Variants in SH3D19 observed in about 807,000 individuals in gnomAD.
SH3D19 encodes SH3 domain containing 19, also known as SH3 domain-containing protein 19.
A neutral mutation model predicts 112.1 loss-of-function variants in SH3D19; 58 were observed. The observed-to-expected ratio is 0.52, with a 90% CI of 0.42 to 0.64. SH3D19 has a LOEUF of 0.64. Ranked by LOEUF, SH3D19 falls within the 30% of genes least tolerant of loss-of-function variation. The probability of loss-of-function intolerance (pLI) is 0.00; values close to 1 mark genes in which losing one functional copy is unlikely to be tolerated. For missense variants in SH3D19, 1,090 were observed against 1,263.4 expected (o/e 0.86, Z 2.08); for synonymous variants, 391 against 448.5 (o/e 0.87, Z 1.62).
At chr4:151,157,299 A>G (rs1332708162) in intron 9 of SH3D19, among the ~76,000 whole-genome samples, 3 of 152,108 alleles carry the variant, frequency 2.0e-5, no homozygotes, top group African/African-American at 4.8e-5. Flanking sequence ...ATTTCTCAAA[A>G]GAAGACACAC....
chr4:151,254,739 C>T (rs1402855583), intron 1 of SH3D19, among the ~76,000 whole-genome samples: 345 of 150,842 alleles, frequency 2.3e-3, no homozygotes, highest in African/African-American at 7.9e-3. Context: ...ACAGACACGG[C>T]AACCATCCGA....
intron 2 of SH3D19, among the ~76,000 whole-genome samples, chr4:151,214,906 T>G (rs1413771376): frequency 5.6e-5 from 8 of 142,742 alleles, no homozygotes; most frequent in African/African-American, 2.1e-4. Context: ...GGCTCCTCAC[T>G]TCTCAGATGG....
rs892319097 is a variant in SH3D19, at chr4:151,181,436, G to A, written c.194-2039C>T. Among the ~76,000 whole-genome samples, 20 of 152,100 alleles carry A rather than the reference G, an allele frequency of 1.3e-4. 1 individual carries two copies. ...CTCTAAGATCTGAAACCAAACCCCT[G>A]GGTTTCTACTTGGAGGATGTCCTCA... On this transcript the variant is annotated intron_variant, in intron 3 of 19. Coordinates refer to ENST00000604030, the MANE Select transcript of SH3D19 (RefSeq NM_001378122.1).
At chr4:151,235,077 G>A (rs896171100) in intron 1 of SH3D19, among the ~76,000 whole-genome samples, 3 of 152,048 alleles carry the variant, frequency 2.0e-5, no homozygotes, top group African/African-American at 7.2e-5. Context: ...GTTCAGGGGT[G>A]CATGCGCAGG....
In SH3D19 at chr4:151,143,978, CAG is replaced by C. The variant is rs1561221972; in HGVS notation, c.2153_2154del (p.Thr718ArgfsTer15). On this transcript the variant is annotated frameshift_variant, in exon 12 of 20. Coordinates refer to ENST00000604030, the MANE Select transcript of SH3D19 (RefSeq NM_001378122.1). LOFTEE classifies it high-confidence loss of function. ...TTCATTTGAGACAGGTGAACTCTGC[CAG>C]TGTCTTCTCCCTTTTGGCACTCCAA... The part of the protein sequence containing the change: ...NYLECQKGED[T>X]GRVHLSQMKI... The C allele has an allele frequency of 6.2e-7, 1 of 1,614,134 alleles. No individual in the cohort carries two copies. The highest frequency in any genetic ancestry group is 8.5e-7 in the Non-Finnish European group (1 of 1,180,006).
intron 1 of SH3D19, among the ~76,000 whole-genome samples, chr4:151,254,699 GAA>G (rs1471063121): frequency 6.6e-6 from 1 of 150,616 alleles, no homozygotes; most frequent in Non-Finnish European, 1.5e-5. Context: ...AGAACAAAAT[GAA>G]AAGTCTCCCA....
At chr4:151,129,669 C>T (rs544019192) in intron 17 of SH3D19, among the ~76,000 whole-genome samples, 11 of 152,264 alleles carry the variant, frequency 7.2e-5, no homozygotes, top group African/African-American at 1.4e-4. Context: ...AGCGCCTGGC[C>T]GGGACAAAGG....
At chr4:151,182,091 C>T (rs532736387) in intron 3 of SH3D19, among the ~76,000 whole-genome samples, 4 of 152,116 alleles carry the variant, frequency 2.6e-5, no homozygotes, top group South Asian at 2.1e-4. Flanking sequence ...CTGGCTCAAG[C>T]GATCTTCCTG....
chr4:151,292,890 A>G (rs1368389316), intron 1 of SH3D19, among the ~76,000 whole-genome samples: 1 of 150,320 alleles, frequency 6.7e-6, no homozygotes, highest in Non-Finnish European at 1.5e-5. Flanking sequence ...GAGGCCAAGG[A>G]GGGTGGATCA....
intron 1 of SH3D19, among the ~76,000 whole-genome samples, chr4:151,287,871 C>A (rs150078328): frequency 3.8e-4 from 58 of 152,134 alleles, no homozygotes; most frequent in African/African-American, 1.3e-3. Context: ...CAAAGTGAGA[C>A]CCCTCTCTCT....
chr4:151,273,529 G>T (rs993015636), intron 1 of SH3D19, among the ~76,000 whole-genome samples: 26 of 141,934 alleles, frequency 1.8e-4, no homozygotes, highest in Non-Finnish European at 3.4e-4. Flanking sequence ...GGCGGAGGTT[G>T]CAGTGAGCCG....
chr4:151,146,309 T>A (rs1433058174), intron 11 of SH3D19, among the ~76,000 whole-genome samples: 1 of 152,160 alleles, frequency 6.6e-6, no homozygotes, highest in Non-Finnish European at 1.5e-5. Flanking sequence ...TTTTATTTTT[T>A]TTTTTAAAAA....
rs764640651 is a variant in SH3D19, at chr4:151,174,783, A to G, written c.1421T>C (p.Val474Ala). 1 of 1,550,952 alleles carries G rather than the reference A, an allele frequency of 6.4e-7. No individual in the cohort carries two copies. Among genetic ancestry groups the G allele is most frequent in the Non-Finnish European group, 8.7e-7 (1 of 1,152,070 alleles). The change falls in exon 7 of 20, where the codon GTT becomes GCT. Residue 474 changes from valine to alanine, a missense_variant. Transcript: ENST00000604030. ...GTCCACCAAGGGCTTGCTCTGCAGA[A>G]CTGGAACTGGGGGGTTGGCTGGGGG... is the stretch of plus-strand genomic sequence containing the variant. ...EGPPANPPVP[V>A]LQSKPLVDID...
chr4:151,180,243 G>A (rs371847312), intron 3 of SH3D19, among the ~76,000 whole-genome samples: 1 of 152,012 alleles, frequency 6.6e-6, no homozygotes, highest in Non-Finnish European at 1.5e-5. Flanking sequence ...TTATAAACTT[G>A]TTTATAGCAC....
intron 7 of SH3D19, among the ~76,000 whole-genome samples, chr4:151,168,795 A>G (rs1758547163): frequency 6.6e-6 from 1 of 152,116 alleles, no homozygotes. Context: ...TTAGTTTAAA[A>G]TTTTAGTCAA....
chr4:151,208,179 T>G (rs1267377429), intron 2 of SH3D19, among the ~76,000 whole-genome samples: 1 of 152,160 alleles, frequency 6.6e-6, no homozygotes, highest in African/African-American at 2.4e-5. Context: ...TGGGCCTGAT[T>G]TAATCAGTTA....
chr4:151,220,193 G>A (rs1767804329), intron 2 of SH3D19, among the ~76,000 whole-genome samples: 1 of 152,156 alleles, frequency 6.6e-6, no homozygotes. Flanking sequence ...TCTCCTCTTT[G>A]ATCTTCAAAG....
intron 1 of SH3D19, among the ~76,000 whole-genome samples, chr4:151,306,842 C>A (rs895364062): frequency 6.6e-6 from 1 of 152,176 alleles, no homozygotes; most frequent in African/African-American, 2.4e-5. Flanking sequence ...ACTCATGAAA[C>A]GTCAGCAACA....
At chr4:151,165,811 A>AT in intron 7 of SH3D19, 115 bp from the exon 8 acceptor site, 1 of 801,146 alleles carries the variant, frequency 1.2e-6, no homozygotes. Context: ...CTATTCATGG[A>AT]TAAACAAAAT....
Sources: gnomAD v4.1 joint callset for allele counts (sites outside exome capture counted in the v4.1 genomes callset) on GRCh38, gnomAD v4.1.1 for gene constraint, MANE v1.5 for transcripts, NCBI Gene and HGNC (gene_info 2026-07-23, HGNC 2026-07-21) for gene names.